ACSS3: variants seen among roughly 807,000 people sequenced by gnomAD.
The protein encoded by ACSS3 is acyl-CoA synthetase short chain family member 3.
In ACSS3, 64 loss-of-function variants were observed where a neutral mutation model predicts 84.2. That is an observed-to-expected ratio of 0.76 (90% CI 0.62 to 0.94). ACSS3 has a LOEUF of 0.94. Ranked by LOEUF, ACSS3 falls within the 40% of genes least tolerant of loss-of-function variation. The pLI is 0.00. For missense variants in ACSS3, 815 were observed against 867.6 expected, an observed-to-expected ratio of 0.94 and a Z score of 0.76; for synonymous variants, 317 against 310.1, an observed-to-expected ratio of 1.02 and a Z score of -0.23.
chr12:81,145,329 A>G (rs532235044), intron 5 of ACSS3, among the ~76,000 whole-genome samples: 56 of 152,194 alleles, frequency 3.7e-4, no homozygotes, highest in East Asian at 1.9e-4. Context: ...GAGACAATCT[A>G]TTTCAATAAA....
intron 1 of ACSS3, among the ~76,000 whole-genome samples, chr12:81,083,319 T>C (rs1393934682): frequency 2.6e-5 from 4 of 151,614 alleles, no homozygotes; most frequent in African/African-American, 9.7e-5. Context: ...TATTGGAATA[T>C]AAAAATCTAA....
At chr12:81,165,878 T>C (rs2135795544) in intron 7 of ACSS3, among the ~76,000 whole-genome samples, 1 of 152,296 alleles carries the variant, frequency 6.6e-6, no homozygotes, top group South Asian at 2.1e-4. Context: ...AATGAGACAA[T>C]AACAATTAAT....
At chr12:81,227,131 T>A (rs1355723483) in intron 11 of ACSS3, among the ~76,000 whole-genome samples, 1 of 151,864 alleles carries the variant, frequency 6.6e-6, no homozygotes, top group Non-Finnish European at 1.5e-5. Flanking sequence ...AAGTTGTAGT[T>A]TGAGTCTGAA....
chr12:81,153,354 G>A (rs1886707486), intron 7 of ACSS3, among the ~76,000 whole-genome samples: 1 of 150,716 alleles, frequency 6.6e-6, no homozygotes, highest in Non-Finnish European at 1.5e-5. Flanking sequence ...GTTGCAGTGA[G>A]CTGAGATCAT....
chr12:81,203,237 C>T (rs1043391835), intron 9 of ACSS3, among the ~76,000 whole-genome samples: 1 of 152,158 alleles, frequency 6.6e-6, no homozygotes, highest in Non-Finnish European at 1.5e-5. Context: ...CACACATTCA[C>T]CTTTCCTCTA....
chr12:81,121,005 A>G (rs4354754), intron 2 of ACSS3, among the ~76,000 whole-genome samples: 80,600 of 151,976 alleles, frequency 0.53, 21,757 homozygotes, highest in East Asian at 0.68. Flanking sequence ...GTATTTGTGA[A>G]TTTTTCTTCT....
intron 8 of ACSS3, among the ~76,000 whole-genome samples, chr12:81,191,130 C>T (rs550101747): frequency 6.6e-6 from 1 of 152,084 alleles, no homozygotes; most frequent in Admixed American, 6.5e-5. Context: ...CTACTATGAA[C>T]ATCTCACATT....
chr12:81,154,619 A>G (rs1216045515), intron 7 of ACSS3, among the ~76,000 whole-genome samples: 1 of 152,174 alleles, frequency 6.6e-6, no homozygotes, highest in Non-Finnish European at 1.5e-5. Flanking sequence ...TCCTGCCCAG[A>G]TTCCTGAACC....
At chr12:81,145,904 C>T (rs1886317675) in intron 5 of ACSS3, among the ~76,000 whole-genome samples, 1 of 152,130 alleles carries the variant, frequency 6.6e-6, no homozygotes, top group Non-Finnish European at 1.5e-5. Flanking sequence ...CGTGAGTGGG[C>T]TTTGCAAAGT....
chr12:81,109,672 G>T lies in ACSS3; in HGVS notation c.424G>T (p.Ala142Ser). 1 of 1,607,938 alleles carries T rather than the reference G, an allele frequency of 6.2e-7. No individual in the cohort carries two copies. The highest frequency in any genetic ancestry group is 8.5e-7 in the Non-Finnish European group (1 of 1,177,502). ...IYDSPVTNTK[A>S]TFTYKEVLEQ... ...TGACAGTCCTGTTACAAACACTAAA[G>T]CAACCTTTACCTATAAAGAAGTTCT... is the stretch of plus-strand genomic sequence containing the variant. Residue 142 changes from alanine to serine, a missense_variant, in exon 2 of 16, where the codon GCA becomes TCA. Transcript: ENST00000548058.
At chr12:81,087,352 G>A (rs1881383317) in intron 1 of ACSS3, among the ~76,000 whole-genome samples, 1 of 151,872 alleles carries the variant, frequency 6.6e-6, no homozygotes, top group African/African-American at 2.4e-5. Context: ...AGTGGATGCA[G>A]CAGTTAAGTA....
At chr12:81,215,241 A>G (rs1383222535) in intron 9 of ACSS3, among the ~76,000 whole-genome samples, 1 of 147,994 alleles carries the variant, frequency 6.8e-6, no homozygotes, top group Non-Finnish European at 1.5e-5. Flanking sequence ...CCTGCCCCCC[A>G]CCTTTTTTTT....
intron 2 of ACSS3, among the ~76,000 whole-genome samples, chr12:81,127,920 G>C (rs1385678753): frequency 1.3e-5 from 2 of 151,990 alleles, no homozygotes; most frequent in Non-Finnish European, 1.5e-5. Flanking sequence ...ATGAGCATCT[G>C]GTCACAAAGT....
chr12:81,092,739 C>T (rs1220040590), intron 1 of ACSS3, among the ~76,000 whole-genome samples: 1 of 152,104 alleles, frequency 6.6e-6, no homozygotes, highest in Non-Finnish European at 1.5e-5. Context: ...ATTGAGCAGG[C>T]TGCACTGTAT....
At chr12:81,130,063 G>A (rs1008653503) in intron 2 of ACSS3, among the ~76,000 whole-genome samples, 40 of 152,138 alleles carry the variant, frequency 2.6e-4, no homozygotes, top group Admixed American at 2.6e-3. Context: ...CTTTGGTATT[G>A]TGAATAGTGC....
chr12:81,089,447 C>G (rs1881530638), intron 1 of ACSS3, among the ~76,000 whole-genome samples: 2 of 151,984 alleles, frequency 1.3e-5, no homozygotes, highest in Admixed American at 6.6e-5. Context: ...CTAATAATAT[C>G]CCATTTTTTA....
At chr12:81,105,979 C>T (rs79539307) in intron 1 of ACSS3, among the ~76,000 whole-genome samples, 15,773 of 152,082 alleles carry the variant, frequency 0.1, 1,068 homozygotes, top group East Asian at 0.21. Flanking sequence ...ATTCAAGGAA[C>T]TGCAAAGTTT....
intron 2 of ACSS3, among the ~76,000 whole-genome samples, chr12:81,116,499 A>G (rs1884057886): frequency 6.6e-6 from 1 of 152,102 alleles, no homozygotes; most frequent in East Asian, 1.9e-4. Flanking sequence ...TTGGAAGTAT[A>G]AACTTACTTC....
chr12:81,137,321 T>TCACACACACACACA (rs57701806), intron 3 of ACSS3, among the ~76,000 whole-genome samples: 3 of 141,722 alleles, frequency 2.1e-5, no homozygotes, highest in African/African-American at 7.9e-5. Context: ...TTTTCATCCA[T>TCACACACACACACA]CACACACACA....
Sources: gnomAD v4.1 joint callset for allele counts (sites outside exome capture counted in the v4.1 genomes callset) on GRCh38, gnomAD v4.1.1 for gene constraint, MANE v1.5 for transcripts, NCBI Gene and HGNC (gene_info 2026-07-23, HGNC 2026-07-21) for gene names.